CCDC146: variants seen among roughly 807,000 people sequenced by gnomAD.
The protein encoded by CCDC146 is coiled-coil domain-containing protein 146.
A neutral mutation model predicts 119.3 loss-of-function variants in CCDC146; 92 were observed. That is an observed-to-expected ratio of 0.77 (90% confidence interval 0.65 to 0.92). The LOEUF (loss-of-function observed/expected upper bound fraction) is 0.92, where lower values mean the gene tolerates loss of function less well. Among genes scored for constraint, CCDC146 ranks in the 40% least tolerant of loss-of-function variants. The pLI is 0.00. For synonymous variants in CCDC146, 372 were observed against 371.8 expected (o/e 1.00, Z -0.01); for missense variants, 1,000 against 1,103.0 (o/e 0.91, Z 1.32).
In CCDC146 at chr7:77,287,442, G is replaced by T. The variant is rs1191211840; in HGVS notation, c.2280G>T (p.Leu760=). The T allele has an allele frequency of 6.2e-7, 1 of 1,613,618 alleles. No homozygotes were observed. Among genetic ancestry groups the T allele is most frequent in the African/African-American group, 1.3e-5 (1 of 74,852 alleles). Residue 760 remains leucine, a splice_region_variant and synonymous_variant, in exon 17 of 19, where the codon CTG becomes CTT. Transcript: ENST00000285871. ...CTTGAACCAATTTTCAAACATAGCT[G>T]GAACTACAACTGGCCAAGAAGGAGG... ...EKEMIQKLDK[L]ELQLAKKEEK...
rs774083846 is a variant in CCDC146 at position 77,262,170 on chromosome 7, T to G, written c.1036T>G (p.Tyr346Asp). 1.9e-6 allele frequency: 3 copies of G among 1,613,602 alleles called. No homozygotes were observed. Among genetic ancestry groups the G allele is most frequent in the Non-Finnish European group, 1.7e-6 (2 of 1,179,802 alleles). The change falls in exon 9 of 19, where the codon TAC becomes GAC. Residue 346 changes from tyrosine (Y) to aspartate (D), a missense_variant. Transcript: ENST00000285871. ...LRNSLIDKQN[Y>D]HDELSRKQRE... ...CAACAGTCTCATTGACAAGCAGAAC[T>G]ACCATGATGAACTTTCTCGTAAGCA...
intron 1 of CCDC146, among the ~76,000 whole-genome samples, chr7:77,129,498 G>C (rs565339434): frequency 6.6e-6 from 1 of 152,132 alleles, no homozygotes; most frequent in African/African-American, 2.4e-5. Flanking sequence ...AGGTTAGAAT[G>C]AATCTTCTGC....
intron 2 of CCDC146, among the ~76,000 whole-genome samples, chr7:77,171,440 G>A (rs964732107): frequency 1.8e-4 from 28 of 152,252 alleles, no homozygotes; most frequent in African/African-American, 6.3e-4. Flanking sequence ...TGAGAAGACC[G>A]GAGGGATAAT....
At position 77,146,779 on chromosome 7, in the gene CCDC146, A is replaced by G. The variant is rs935293104; in HGVS notation, c.-11-20879A>G. Among the ~76,000 whole-genome samples the G allele has an allele frequency of 5.9e-5, 9 of 152,266 alleles. No homozygotes were observed. In the East Asian group the frequency reaches 1.2e-3, roughly 20 times the overall value. The stretch of plus-strand genomic sequence containing the variant: ...TTGTAGAGTTTCTGCCAAGAGATCC[A>G]CTGTTAGTCTGATGGGTTTCCCTTT... On this transcript the variant is annotated intron_variant, in intron 1 of 18. Coordinates refer to ENST00000285871, the MANE Select transcript of CCDC146 (RefSeq NM_020879.3).
At position 77,262,243 on chromosome 7, in the gene CCDC146, T is replaced by A. The variant is rs1165084550; in HGVS notation, c.1109T>A (p.Leu370His). The A allele has an allele frequency of 1.2e-6, 2 of 1,613,898 alleles. No homozygotes were observed. The highest frequency in any genetic ancestry group is 2.7e-5 in the African/African-American group (2 of 74,904). The change falls in exon 9 of 19, where the codon CTC (leucine) becomes CAC (histidine). Residue 370 changes from leucine to histidine, a missense_variant. Transcript: ENST00000285871. ...CGAAATTTAAGAAAGATGGAACTGC[T>A]CTTGAAAGTGTCCTGGGATGCACTT... ...DFRNLRKMEL[L>H]LKVSWDALRQ...
At chr7:77,283,888 AGTTT>A (rs1272792082) in intron 15 of CCDC146, among the ~76,000 whole-genome samples, 1 of 152,056 alleles carries the variant, frequency 6.6e-6, no homozygotes, top group Non-Finnish European at 1.5e-5. Context: ...TCTGATTCCA[AGTTT>A]GTTTGTTTTT....
intron 3 of CCDC146, 162 bp downstream of exon 3, chr7:77,237,191 G>A (rs1348770120): frequency 4.9e-6 from 3 of 606,644 alleles, no homozygotes; most frequent in Non-Finnish European, 9.0e-6. Flanking sequence ...TGAGAGAGTG[G>A]GGAAGTGCGA....
chr7:77,176,427 G>C (rs1791501343), intron 2 of CCDC146, among the ~76,000 whole-genome samples: 1 of 151,054 alleles, frequency 6.6e-6, no homozygotes, highest in Non-Finnish European at 1.5e-5. Context: ...AGTGGATGGA[G>C]TGGGTGAGGA....
chr7:77,176,400 T>A (rs2150413367), intron 2 of CCDC146, among the ~76,000 whole-genome samples: 1 of 151,300 alleles, frequency 6.6e-6, no homozygotes, highest in Non-Finnish European at 1.5e-5. Flanking sequence ...TATAAAATTC[T>A]ATAGACTTAG....
At chr7:77,164,912 C>T (rs1261481609) in intron 1 of CCDC146, among the ~76,000 whole-genome samples, 1 of 152,156 alleles carries the variant, frequency 6.6e-6, no homozygotes, top group Non-Finnish European at 1.5e-5. Flanking sequence ...AGAAATGATA[C>T]ATATTCAGCA....
chr7:77,278,797 G>C lies in CCDC146; in HGVS notation c.1486G>C (p.Glu496Gln). Residue 496 changes from glutamate (E) to glutamine (Q), a missense_variant, in exon 12 of 19, where the codon GAA becomes CAA. Coordinates refer to ENST00000285871, the MANE Select transcript of CCDC146 (RefSeq NM_020879.3). ...IVKEMKAKDL[E>Q]IRIHKKKKCE... is the part of the protein sequence containing the mutation. ...TAAAGAAATGAAAGCAAAGGATCTT[G>C]AAATCAGGATACACAAGAAGAAAAA... is the stretch of plus-strand genomic sequence containing the variant. 3 of 1,612,354 alleles carry C rather than the reference G, an allele frequency of 1.9e-6. No individual in the cohort carries two copies. Among genetic ancestry groups the C allele is most frequent in the Non-Finnish European group, 2.5e-6 (3 of 1,179,392 alleles).
intron 2 of CCDC146, among the ~76,000 whole-genome samples, chr7:77,221,001 T>C (rs1792393615): frequency 6.6e-6 from 1 of 152,124 alleles, no homozygotes; most frequent in Non-Finnish European, 1.5e-5. Flanking sequence ...GAGCTTTTAC[T>C]CATGGCGGAA....
rs192156948 is a variant in CCDC146 at position 77,158,428 on chromosome 7, C to T, written c.-11-9230C>T. Among the ~76,000 whole-genome samples the T allele has an allele frequency of 2.9e-3, 437 of 152,178 alleles. 2 individuals are homozygous for T. Among genetic ancestry groups the T allele is most frequent in the African/African-American group, 9.8e-3 (408 of 41,528 alleles). ...ATACTTTATTCTATTATTTTATTTA[C>T]AGCTGTCAATCATATTGCCTGCAAT... On this transcript the variant is annotated intron_variant, in intron 1 of 18. Transcript: ENST00000285871.
chr7:77,244,262 T>C (rs1249019019), intron 4 of CCDC146, among the ~76,000 whole-genome samples: 1 of 152,198 alleles, frequency 6.6e-6, no homozygotes, highest in Non-Finnish European at 1.5e-5. Flanking sequence ...AAAAAGTAAA[T>C]TTTGTAAAGT....
chr7:77,268,832 G>C (rs944647154), intron 9 of CCDC146, among the ~76,000 whole-genome samples: 3 of 152,182 alleles, frequency 2.0e-5, no homozygotes, highest in African/African-American at 7.2e-5. Flanking sequence ...CTGCCTTCTA[G>C]CTTCACTATG....
intron 4 of CCDC146, among the ~76,000 whole-genome samples, chr7:77,243,157 C>G (rs985559762): frequency 1.3e-5 from 2 of 152,098 alleles, no homozygotes; most frequent in African/African-American, 2.4e-5. Context: ...GAACATAAGT[C>G]AGTTGATATT....
chr7:77,127,859 A>AT (rs1164341585), intron 1 of CCDC146, among the ~76,000 whole-genome samples: 1 of 151,814 alleles, frequency 6.6e-6, no homozygotes, highest in Admixed American at 6.6e-5. Context: ...ATCTTTTCGT[A>AT]TTTCATTCTG....
intron 11 of CCDC146, 62 bp from the exon 12 acceptor site, chr7:77,278,690 T>G: frequency 8.9e-7 from 1 of 1,118,940 alleles, no homozygotes. Flanking sequence ...GGGAATGATG[T>G]GGGATAAATC....
chr7:77,261,267 C>T (rs1449152235), intron 8 of CCDC146, among the ~76,000 whole-genome samples: 1 of 152,066 alleles, frequency 6.6e-6, no homozygotes, highest in African/African-American at 2.4e-5. Context: ...TTCTCTCCCT[C>T]CTCCCATCCT....
Sources: allele counts gnomAD v4.1 joint callset (sites outside exome capture counted in the v4.1 genomes callset), GRCh38; gene constraint gnomAD v4.1.1; transcripts MANE v1.5; gene names NCBI Gene and HGNC (gene_info 2026-07-23, HGNC 2026-07-21).